Variants in DLGAP2 observed in about 807,000 individuals in gnomAD.
DLGAP2 encodes disks large-associated protein 2.
In DLGAP2, 26 loss-of-function variants were observed where a neutral mutation model predicts 100.3. That is an observed-to-expected ratio of 0.26 (90% CI 0.19 to 0.36). DLGAP2 has a LOEUF of 0.36. Among genes scored for constraint, DLGAP2 ranks in the 10% least tolerant of loss-of-function variants. The pLI is 1.00. For missense variants in DLGAP2, 1,858 were observed against 1,453.2 expected (o/e 1.28, Z -4.53); for synonymous variants, 886 against 630.1 (o/e 1.41, Z -6.08).
intron 2 of DLGAP2, among the ~76,000 whole-genome samples, chr8:936,658 A>G (rs917027650): frequency 2.6e-5 from 4 of 152,146 alleles, no homozygotes; most frequent in African/African-American, 7.2e-5. Flanking sequence ...TGGAAGCTGG[A>G]GCCTGGTTGC....
chr8:1,538,113 C>T (rs1455056357), intron 4 of DLGAP2, among the ~76,000 whole-genome samples: 5 of 152,132 alleles, frequency 3.3e-5, no homozygotes, highest in South Asian at 2.1e-4. Context: ...CTGGGGCTGC[C>T]GAGGCACTCA....
intron 3 of DLGAP2, among the ~76,000 whole-genome samples, chr8:1,260,888 G>A (rs1799333678): frequency 6.6e-6 from 1 of 152,208 alleles, no homozygotes; most frequent in Non-Finnish European, 1.5e-5. Flanking sequence ...GACCTCTCAG[G>A]CCCAGCACCA....
At chr8:1,669,139 A>G (rs893907582) in intron 9 of DLGAP2, among the ~76,000 whole-genome samples, 1 of 152,216 alleles carries the variant, frequency 6.6e-6, no homozygotes, top group Non-Finnish European at 1.5e-5. Flanking sequence ...AAGGAAGGGC[A>G]TGCTCTCCTC....
chr8:1,372,928 G>A (rs1585310254), intron 3 of DLGAP2, among the ~76,000 whole-genome samples: 1 of 152,230 alleles, frequency 6.6e-6, no homozygotes, highest in East Asian at 1.9e-4. Flanking sequence ...GGCACTCTGA[G>A]TGTGTTATTC....
intron 6 of DLGAP2, among the ~76,000 whole-genome samples, chr8:1,591,251 C>G (rs953143004): frequency 3.9e-5 from 6 of 152,026 alleles, no homozygotes; most frequent in African/African-American, 1.2e-4. Flanking sequence ...TAGGGAATTA[C>G]AGGGAAGGGA....
At chr8:757,219 G>A (rs958205950) in intron 1 of DLGAP2, among the ~76,000 whole-genome samples, 4 of 151,994 alleles carry the variant, frequency 2.6e-5, no homozygotes, top group South Asian at 2.1e-4. Flanking sequence ...CCCTGAACTC[G>A]GACCATTTCC....
intron 4 of DLGAP2, among the ~76,000 whole-genome samples, chr8:1,514,333 C>A (rs1405154371): frequency 2.0e-5 from 3 of 152,240 alleles, no homozygotes; most frequent in Non-Finnish European, 4.4e-5. Flanking sequence ...CCCCCAACAG[C>A]CCAGGTGTTT....
chr8:1,356,721 A>G (rs1801861105), intron 3 of DLGAP2, among the ~76,000 whole-genome samples: 1 of 152,216 alleles, frequency 6.6e-6, no homozygotes, highest in Non-Finnish European at 1.5e-5. Context: ...CCTACAGTAA[A>G]GGGTAACAGG....
At chr8:1,128,697 T>C (rs1328073005) in intron 2 of DLGAP2, among the ~76,000 whole-genome samples, 1 of 152,212 alleles carries the variant, frequency 6.6e-6, no homozygotes, top group African/African-American at 2.4e-5. Context: ...TTTAGCTACT[T>C]GGTATTTTAT....
At chr8:1,261,430 G>C (rs1185818717) in intron 3 of DLGAP2, among the ~76,000 whole-genome samples, 2 of 151,864 alleles carry the variant, frequency 1.3e-5, no homozygotes, top group African/African-American at 4.8e-5. Context: ...TTTAAAACGA[G>C]ACAGACTGGG....
intron 1 of DLGAP2, among the ~76,000 whole-genome samples, chr8:885,312 T>A (rs1043028320): frequency 6.6e-6 from 1 of 152,194 alleles, no homozygotes; most frequent in Admixed American, 6.5e-5. Flanking sequence ...AGCAGTGGTT[T>A]AAGTACTTCT....
chr8:1,426,950 G>A, intron 3 of DLGAP2, among the ~76,000 whole-genome samples: 1 of 152,202 alleles, frequency 6.6e-6, no homozygotes, highest in East Asian at 1.9e-4. Context: ...TGAACAGAGA[G>A]ATCAATAAAA....
chr8:799,306 G>T (rs1449697889), intron 1 of DLGAP2, among the ~76,000 whole-genome samples: 1 of 152,112 alleles, frequency 6.6e-6, no homozygotes, highest in East Asian at 1.9e-4. Context: ...CAGAGGCTTT[G>T]TTTACAGTTG....
At chr8:1,193,746 T>G (rs1293136865) in intron 2 of DLGAP2, among the ~76,000 whole-genome samples, 1 of 151,258 alleles carries the variant, frequency 6.6e-6, no homozygotes, top group Admixed American at 6.6e-5. Context: ...GGGTTGGGGG[T>G]CCTGTGGAGC....
chr8:1,113,648 G>T (rs1805028314), intron 2 of DLGAP2, among the ~76,000 whole-genome samples: 1 of 152,036 alleles, frequency 6.6e-6, no homozygotes, highest in African/African-American at 2.4e-5. Flanking sequence ...TACAAACAGG[G>T]GTACTTTGAC....
intron 2 of DLGAP2, among the ~76,000 whole-genome samples, chr8:1,100,507 GGT>G (rs112136851): frequency 2.6e-5 from 4 of 151,040 alleles, no homozygotes; most frequent in Non-Finnish European, 3.0e-5. Context: ...TAGAGTTTGT[GGT>G]GTGTGTGTGT....
rs373907687 is a variant in DLGAP2 at position 1,108,526 on chromosome 8, G to C, written c.74-150325G>C. Among the ~76,000 whole-genome samples the C allele has an allele frequency of 2.1e-4, 32 of 151,474 alleles. No individual in the cohort carries two copies. In the South Asian group the frequency reaches 6.3e-3, roughly 30 times the overall value. On this transcript the variant is annotated intron_variant, in intron 2 of 14. Coordinates refer to ENST00000637795, the MANE Select transcript of DLGAP2 (RefSeq NM_001346810.2). ...TGTGCTGGGTCTGTGAGGTGTGAATGTGTCTATGAGGTGTGCATGTGCCTA... is the reference window on the plus strand; with the variant it reads ...TGTGCTGGGTCTGTGAGGTGTGAATCTGTCTATGAGGTGTGCATGTGCCTA...
At chr8:1,202,296 A>ATGTG (rs35325269) in intron 2 of DLGAP2, among the ~76,000 whole-genome samples, 38,236 of 149,308 alleles carry the variant, frequency 0.26, 5,248 homozygotes, top group East Asian at 0.48. Flanking sequence ...TATGTAGTAT[A>ATGTG]TGTGTGTGTG....
At chr8:873,123 CTT>C (rs1491170122) in intron 1 of DLGAP2, among the ~76,000 whole-genome samples, 1 of 152,180 alleles carries the variant, frequency 6.6e-6, no homozygotes, top group African/African-American at 2.4e-5. Flanking sequence ...ATTTATAAAA[CTT>C]AATATAGTGT....
Sources: allele counts gnomAD v4.1 joint callset (sites outside exome capture counted in the v4.1 genomes callset), GRCh38; gene constraint gnomAD v4.1.1; transcripts MANE v1.5; gene names NCBI Gene and HGNC (gene_info 2026-07-23, HGNC 2026-07-21).